The following TEAD1 variants were observed in gnomAD, a reference collection of about 807,000 sequenced individuals.
TEAD1 encodes the protein transcriptional enhancer factor TEF-1.
TEAD1 carries 9 observed loss-of-function variants against 54.9 expected under a neutral mutation model. The ratio of observed to expected loss-of-function variants is 0.16; its 90% CI spans 0.10 to 0.29. TEAD1 has a LOEUF of 0.29. Among genes scored for constraint, TEAD1 ranks in the 10% least tolerant of loss-of-function variants. The pLI, the probability that TEAD1 is intolerant of heterozygous loss-of-function variation, is 1.00. For missense variants in TEAD1, 387 were observed against 535.9 expected, an observed-to-expected ratio of 0.72 and a Z score of 2.74; for synonymous variants, 200 against 187.8, an observed-to-expected ratio of 1.07 and a Z score of -0.53.
intron 2 of TEAD1, among the ~76,000 whole-genome samples, chr11:12,678,810 CGT>C (rs930290314): frequency 6.6e-6 from 1 of 152,152 alleles, no homozygotes; most frequent in Non-Finnish European, 1.5e-5. Context: ...TTATGAGCTT[CGT>C]GGTCCATATT....
chr11:12,878,812 T>G (rs11022528), intron 5 of TEAD1: 9 of 772,244 alleles, frequency 1.2e-5, no homozygotes, highest in South Asian at 3.7e-5. Flanking sequence ...TATATATATG[T>G]TTTTTTTTTA....
chr11:12,887,101 T>G (rs1301614020), intron 9 of TEAD1, among the ~76,000 whole-genome samples: 1 of 149,780 alleles, frequency 6.7e-6, no homozygotes, highest in African/African-American at 2.5e-5. Context: ...TTGTTTGTTT[T>G]TTTTTTTTTT....
At chr11:12,929,140 C>T (rs944007906) in intron 11 of TEAD1, among the ~76,000 whole-genome samples, 1 of 147,480 alleles carries the variant, frequency 6.8e-6, no homozygotes, top group African/African-American at 2.5e-5. Flanking sequence ...GCATCTCTAT[C>T]TGCTGTGTTT....
At chr11:12,808,510 T>A in intron 3 of TEAD1, among the ~76,000 whole-genome samples, 1 of 152,146 alleles carries the variant, frequency 6.6e-6, no homozygotes, top group Admixed American at 6.5e-5. Flanking sequence ...TTGCAAAAAT[T>A]GAGACAGTAG....
intron 2 of TEAD1, among the ~76,000 whole-genome samples, chr11:12,728,369 C>A (rs1944354150): frequency 6.6e-6 from 1 of 152,182 alleles, no homozygotes; most frequent in African/African-American, 2.4e-5. Context: ...ATATTAGTTA[C>A]ACTTTTCATT....
At chr11:12,841,259 G>A (rs1406774121) in intron 3 of TEAD1, among the ~76,000 whole-genome samples, 2 of 152,198 alleles carry the variant, frequency 1.3e-5, no homozygotes, top group Admixed American at 6.5e-5. Flanking sequence ...AGTGGGTACA[G>A]AAGAGCTGTC....
intron 2 of TEAD1, among the ~76,000 whole-genome samples, chr11:12,739,316 CATTTTT>C (rs1944604210): frequency 6.6e-6 from 1 of 152,218 alleles, no homozygotes; most frequent in East Asian, 1.9e-4. Context: ...TTACCATCTT[CATTTTT>C]AAGTGTACAG....
Position 12,843,933 on chromosome 11 carries a change from A to G in TEAD1, c.203-18317A>G, listed in dbSNP as rs144871238. 3.4e-4 allele frequency among the ~76,000 whole-genome samples: 52 copies of G among 152,334 alleles called. No individual in the cohort carries two copies. In the East Asian group the frequency reaches 0.01, roughly 29 times the overall value. ...AAAGGAATAATCAGCCCATGTTCCT[A>G]TTAGATCATTTCCGTTTTCTTTTAC... On this transcript the variant is annotated intron_variant, in intron 3 of 12. Transcript: ENST00000527636.
At chr11:12,837,391 A>G (rs979036249) in intron 3 of TEAD1, among the ~76,000 whole-genome samples, 2 of 152,170 alleles carry the variant, frequency 1.3e-5, no homozygotes, top group African/African-American at 4.8e-5. Flanking sequence ...AGTTTTGGCT[A>G]CTGTTCTCAA....
intron 2 of TEAD1, among the ~76,000 whole-genome samples, chr11:12,738,425 G>T (rs1294783162): frequency 6.6e-6 from 1 of 152,192 alleles, no homozygotes. Flanking sequence ...TTAAACTTCT[G>T]TTCCTGTAAA....
rs553856584 is a variant in TEAD1, at chr11:12,758,010, C to T, written c.-54-6169C>T. Among the ~76,000 whole-genome samples, 6 of 152,168 alleles carry T rather than the reference C, an allele frequency of 3.9e-5. No homozygotes were observed. In the South Asian group the frequency reaches 1.0e-3, roughly 26 times the overall value. On this transcript the variant is annotated intron_variant, in intron 2 of 12. Coordinates refer to ENST00000527636, the MANE Select transcript of TEAD1 (RefSeq NM_021961.6). ...GATCAGGCTGGTCTTGAACTCCTGA[C>T]CTCAGGTGATCCTCCCACCTTGGCC...
In TEAD1 at chr11:12,930,109, A is replaced by G. The variant is rs563888178; in HGVS notation, c.1015-65A>G. On this transcript the variant is annotated intron_variant, in intron 11 of 12. Transcript: ENST00000527636. ...AAACTAAAATGCTTTTATGGGCAGTAATATCTGTTTCATGTGTTTTGGAGT... is the reference window on the plus strand; with the variant it reads ...AAACTAAAATGCTTTTATGGGCAGTGATATCTGTTTCATGTGTTTTGGAGT... The G allele has an allele frequency of 1.1e-5, 17 of 1,593,080 alleles. No individual in the cohort carries two copies. In the East Asian group the frequency reaches 1.1e-4, roughly 10 times the overall value.
chr11:12,768,792 T>C (rs1170001956), intron 3 of TEAD1, among the ~76,000 whole-genome samples: 1 of 152,166 alleles, frequency 6.6e-6, no homozygotes, highest in Non-Finnish European at 1.5e-5. Flanking sequence ...CTCAAGTTCA[T>C]TTGCAGGAAA....
chr11:12,902,766 C>G (rs1323433129), intron 10 of TEAD1, among the ~76,000 whole-genome samples: 4 of 152,046 alleles, frequency 2.6e-5, no homozygotes, highest in Non-Finnish European at 5.9e-5. Flanking sequence ...CGACCTGGTT[C>G]CAGGGTAGCT....
intron 3 of TEAD1, among the ~76,000 whole-genome samples, chr11:12,830,974 CCGCAGGACCT>C (rs1946767057): frequency 6.6e-6 from 1 of 152,194 alleles, no homozygotes; most frequent in South Asian, 2.1e-4. Flanking sequence ...CCTTCATCTG[CCGCAGGACCT>C]CAGTGCTGGT....
intron 3 of TEAD1, among the ~76,000 whole-genome samples, chr11:12,807,151 C>T (rs1021408843): frequency 6.6e-6 from 1 of 152,120 alleles, no homozygotes; most frequent in Admixed American, 6.5e-5. Context: ...TTTGCAAAGG[C>T]ACTTTGGAAG....
chr11:12,752,098 C>CT (rs1323140761), intron 2 of TEAD1, among the ~76,000 whole-genome samples: 2 of 152,058 alleles, frequency 1.3e-5, no homozygotes, highest in Non-Finnish European at 2.9e-5. Context: ...AATAACCCTT[C>CT]ATATGCTGAT....
At chr11:12,910,082 G>C (rs974737514) in intron 10 of TEAD1, among the ~76,000 whole-genome samples, 1 of 152,242 alleles carries the variant, frequency 6.6e-6, no homozygotes, top group African/African-American at 2.4e-5. Flanking sequence ...CCAGTGACGT[G>C]GCAGACAGTG....
At chr11:12,723,419 G>GA (rs1944252243) in intron 2 of TEAD1, among the ~76,000 whole-genome samples, 1 of 151,916 alleles carries the variant, frequency 6.6e-6, no homozygotes, top group Non-Finnish European at 1.5e-5. Context: ...ATTTTACAGC[G>GA]AAAAAACAAA....
Sources: gnomAD v4.1 joint callset for allele counts (sites outside exome capture counted in the v4.1 genomes callset) on GRCh38, gnomAD v4.1.1 for gene constraint, MANE v1.5 for transcripts, NCBI Gene and HGNC (gene_info 2026-07-23, HGNC 2026-07-21) for gene names.